The following TRAF3 variants were observed in gnomAD, a reference collection of about 807,000 sequenced individuals.
The protein encoded by TRAF3 is TNF receptor associated factor 3, also known as TNF receptor-associated factor 3.
In TRAF3, 13 loss-of-function variants were observed where a neutral mutation model predicts 62.3. The ratio of observed to expected loss-of-function variants is 0.21; its 90% CI spans 0.14 to 0.33. The LOEUF (loss-of-function observed/expected upper bound fraction) is 0.33, where lower values mean the gene tolerates loss of function less well. TRAF3 is among the 10% of genes least tolerant of loss of function. The pLI, the probability that TRAF3 is intolerant of heterozygous loss-of-function variation, is 1.00. For missense variants in TRAF3, 440 were observed against 741.8 expected (o/e 0.59, Z 4.73); for synonymous variants, 269 against 283.4 (o/e 0.95, Z 0.51).
chr14:102,798,592 A>T lies in TRAF3; in HGVS notation c.-157+20917A>T, dbSNP rs1898224856. Among the ~76,000 whole-genome samples, 3 of 151,010 alleles carry T rather than the reference A, an allele frequency of 2.0e-5. No homozygotes were observed. In the South Asian group the frequency reaches 6.5e-4, roughly 33 times the overall value. ...GAGGCAGAGGTTGTGGTGAGCTGAGATCGCACCACTGCACTCCAGTCTGGG... is the reference window on the plus strand; with the variant it reads ...GAGGCAGAGGTTGTGGTGAGCTGAGTTCGCACCACTGCACTCCAGTCTGGG... On this transcript the variant is annotated intron_variant, in intron 1 of 11. Coordinates refer to ENST00000392745, the MANE Select transcript of TRAF3 (RefSeq NM_145725.3).
intron 6 of TRAF3, among the ~76,000 whole-genome samples, chr14:102,885,726 C>A (rs1438525340): frequency 6.6e-6 from 1 of 152,226 alleles, no homozygotes; most frequent in East Asian, 1.9e-4. Context: ...CATTTCCAGA[C>A]TCCAAACTAA....
intron 8 of TRAF3, 68 bp from the exon 9 acceptor site, chr14:102,891,257 A>G (rs1889696608): frequency 2.8e-6 from 4 of 1,430,876 alleles, no homozygotes; most frequent in African/African-American, 1.4e-5. Flanking sequence ...TTAGGGTCGT[A>G]TGTTAGCCGT....
In TRAF3 at chr14:102,870,196, C is replaced by G. The variant is rs190521973; in HGVS notation, c.-6C>G. The G allele has an allele frequency of 2.8e-4, 455 of 1,614,128 alleles. 3 individuals are homozygous for G. In the African/African-American group the frequency reaches 5.4e-3, roughly 19 times the overall value. ...TTTTTTCCCGACAGAACTCCTCTTTCCTAAAATGGAGTCGAGTAAAAAGAT... is the reference window on the plus strand; with the variant it reads ...TTTTTTCCCGACAGAACTCCTCTTTGCTAAAATGGAGTCGAGTAAAAAGAT... On this transcript the variant is annotated 5_prime_UTR_variant, in exon 3 of 12. Transcript: ENST00000392745.
intron 6 of TRAF3, among the ~76,000 whole-genome samples, chr14:102,883,585 T>C (rs1889190343): frequency 6.8e-6 from 1 of 147,470 alleles, no homozygotes; most frequent in Non-Finnish European, 1.5e-5. Flanking sequence ...GCTTTTTTTT[T>C]CTTTCTTTCT....
intron 2 of TRAF3, among the ~76,000 whole-genome samples, chr14:102,861,243 A>T (rs1887660299): frequency 6.6e-6 from 1 of 152,160 alleles, no homozygotes; most frequent in Admixed American, 6.5e-5. Flanking sequence ...TAGTTCTGTC[A>T]CCCACAGCCA....
intron 1 of TRAF3, among the ~76,000 whole-genome samples, chr14:102,801,171 A>C (rs1414904788): frequency 6.6e-6 from 1 of 152,088 alleles, no homozygotes; most frequent in African/African-American, 2.4e-5. Context: ...GTGTCTTCTC[A>C]CTTTGTTACC....
At chr14:102,798,255 T>C (rs1378847592) in intron 1 of TRAF3, among the ~76,000 whole-genome samples, 1 of 151,506 alleles carries the variant, frequency 6.6e-6, no homozygotes, top group Non-Finnish European at 1.5e-5. Flanking sequence ...TGGGTCTTGC[T>C]CTGTTGCCCA....
intron 2 of TRAF3, among the ~76,000 whole-genome samples, chr14:102,867,150 C>T (rs1339727736): frequency 6.6e-6 from 1 of 152,156 alleles, no homozygotes; most frequent in Non-Finnish European, 1.5e-5. Flanking sequence ...ATTTACAAAA[C>T]TGGCCTTTCG....
chr14:102,892,765 A>C (rs926890567), intron 9 of TRAF3, among the ~76,000 whole-genome samples: 1 of 152,186 alleles, frequency 6.6e-6, no homozygotes, highest in Non-Finnish European at 1.5e-5. Context: ...TTTCCCTTTA[A>C]TCTGCCATAA....
intron 6 of TRAF3, among the ~76,000 whole-genome samples, chr14:102,878,234 C>A (rs557114813): frequency 6.6e-6 from 1 of 152,264 alleles, no homozygotes; most frequent in East Asian, 1.9e-4. Flanking sequence ...CTAATTTGTC[C>A]TACAGCATTG....
chr14:102,790,622 C>T (rs1233475483), intron 1 of TRAF3, among the ~76,000 whole-genome samples: 1 of 152,168 alleles, frequency 6.6e-6, no homozygotes, highest in Admixed American at 6.6e-5. Context: ...GTGAGACTTA[C>T]TATCATGAGA....
intron 1 of TRAF3, among the ~76,000 whole-genome samples, chr14:102,797,528 C>CT (rs766202592): frequency 1.3e-5 from 2 of 152,090 alleles, no homozygotes; most frequent in Non-Finnish European, 2.9e-5. Context: ...AGTGGAAGGA[C>CT]AAGATTGCAG....
chr14:102,841,404 G>C (rs1258678022), intron 2 of TRAF3, among the ~76,000 whole-genome samples: 2 of 152,216 alleles, frequency 1.3e-5, no homozygotes, highest in African/African-American at 4.8e-5. Context: ...GCACAGGGCT[G>C]GGAATAGTTT....
intron 1 of TRAF3, among the ~76,000 whole-genome samples, chr14:102,789,608 G>GTGTT (rs1321096351): frequency 6.6e-6 from 1 of 151,866 alleles, no homozygotes; most frequent in Non-Finnish European, 1.5e-5. Context: ...GTGTGTGTGT[G>GTGTT]TGTGTGTGTG....
intron 2 of TRAF3, among the ~76,000 whole-genome samples, chr14:102,865,627 G>A (rs918646663): frequency 6.6e-6 from 1 of 151,344 alleles, no homozygotes; most frequent in African/African-American, 2.4e-5. Flanking sequence ...AGCCTCCCAA[G>A]TAGCTGGGAC....
At chr14:102,840,751 C>T (rs1015841041) in intron 2 of TRAF3, among the ~76,000 whole-genome samples, 1 of 152,158 alleles carries the variant, frequency 6.6e-6, no homozygotes, top group African/African-American at 2.4e-5. Flanking sequence ...ACTTGGCTTG[C>T]CCTAGTCCCA....
At chr14:102,803,136 A>G (rs1483618371) in intron 1 of TRAF3, among the ~76,000 whole-genome samples, 2 of 152,170 alleles carry the variant, frequency 1.3e-5, no homozygotes, top group African/African-American at 2.4e-5. Context: ...GGGAACTACA[A>G]TTCAAAATGA....
At chr14:102,793,214 C>T (rs62007942) in intron 1 of TRAF3, among the ~76,000 whole-genome samples, 3,624 of 152,164 alleles carry the variant, frequency 0.024, 65 homozygotes, top group Non-Finnish European at 0.039. Context: ...TGTAGTGGTA[C>T]GATCTTGGCT....
Position 102,878,351 on chromosome 14 carries a change from AGTGTGTGGGGGTAAGT to A in TRAF3, c.570+1839_570+1854del, listed in dbSNP as rs549530158. Among the ~76,000 whole-genome samples, 289 of 102,134 alleles carry A rather than the reference AGTGTGTGGGGGTAAGT, an allele frequency of 2.8e-3. 7 individuals are homozygous for A. In the East Asian group the frequency reaches 0.039, roughly 14 times the overall value. 67.0% of individuals were successfully genotyped at this position (102,134 alleles called of 152,430 possible). On this transcript the variant is annotated intron_variant, in intron 6 of 11. Coordinates refer to ENST00000392745, the MANE Select transcript of TRAF3 (RefSeq NM_145725.3). ...GGGGGTGAGTGTGTGAATGTGGGTG[AGTGTGTGGGGGTAAGT>A]GTGTGTGGGGGTGAGTGTGAATGTG...
Sources: gnomAD v4.1 joint callset for allele counts (sites outside exome capture counted in the v4.1 genomes callset) on GRCh38, gnomAD v4.1.1 for gene constraint, MANE v1.5 for transcripts, NCBI Gene and HGNC (gene_info 2026-07-23, HGNC 2026-07-21) for gene names.